MYO1E: variants seen among roughly 807,000 people sequenced by gnomAD.
MYO1E encodes the protein unconventional myosin-Ie.
In MYO1E, 68 loss-of-function variants were observed where a neutral mutation model predicts 151.1. The observed-to-expected ratio is 0.45, with a 90% CI of 0.37 to 0.55. The LOEUF is 0.55. MYO1E is among the 20% of genes least tolerant of loss of function. MYO1E has a pLI of 0.00. For missense variants in MYO1E, 1,363 were observed against 1,389.3 expected, an observed-to-expected ratio of 0.98 and a Z score of 0.30; for synonymous variants, 601 against 501.7, an observed-to-expected ratio of 1.20 and a Z score of -2.64.
chr15:59,353,374 G>GAAAAGAAAAGAAAAGAAAAGAAAAA (rs1567022796), intron 1 of MYO1E, among the ~76,000 whole-genome samples: 32 of 26,656 alleles, frequency 1.2e-3, no homozygotes, highest in African/African-American at 2.0e-3. Flanking sequence ...AAAAAAAAAA[G>GAAAAGAAAAGAAAAGAAAAGAAAAA]AAAAGAAAAG....
intron 24 of MYO1E, among the ~76,000 whole-genome samples, chr15:59,160,844 C>T (rs1860468389): frequency 6.6e-6 from 1 of 152,014 alleles, no homozygotes; most frequent in Admixed American, 6.6e-5. Context: ...ATTGTAATGC[C>T]AGGTGTACTG....
intron 14 of MYO1E, among the ~76,000 whole-genome samples, chr15:59,206,225 C>G (rs1453143785): frequency 6.6e-6 from 1 of 152,180 alleles, no homozygotes; most frequent in South Asian, 2.1e-4. Context: ...GAATGCCAGT[C>G]TGTGATTCCA....
intron 14 of MYO1E, chr15:59,206,996 C>T (rs756417010): frequency 4.3e-6 from 7 of 1,614,024 alleles, no homozygotes; most frequent in Non-Finnish European, 5.9e-6. Context: ...TCGGTGGGAG[C>T]GAATTTCCTA....
At chr15:59,229,272 C>G (rs369505482) in intron 6 of MYO1E, among the ~76,000 whole-genome samples, 2 of 152,304 alleles carry the variant, frequency 1.3e-5, no homozygotes, top group South Asian at 2.1e-4. Context: ...CCTGGGGAGC[C>G]TTTCCAACAT....
intron 1 of MYO1E, among the ~76,000 whole-genome samples, chr15:59,367,075 A>G (rs2080918854): frequency 6.6e-6 from 1 of 151,346 alleles, no homozygotes; most frequent in South Asian, 2.1e-4. Flanking sequence ...TATATATCCT[A>G]CCATGAAGCT....
At chr15:59,273,129 G>A (rs977461021) in intron 1 of MYO1E, among the ~76,000 whole-genome samples, 4 of 152,162 alleles carry the variant, frequency 2.6e-5, no homozygotes, top group African/African-American at 9.7e-5. Context: ...ACGAGATCAC[G>A]GAACATGCCC....
chr15:59,296,370 G>A (rs745331797), intron 1 of MYO1E, among the ~76,000 whole-genome samples: 1 of 152,196 alleles, frequency 6.6e-6, no homozygotes, highest in African/African-American at 2.4e-5. Context: ...TCACCAAATT[G>A]TGTGCAACAT....
At chr15:59,327,368 C>T (rs1289443210) in intron 1 of MYO1E, among the ~76,000 whole-genome samples, 7 of 151,856 alleles carry the variant, frequency 4.6e-5, no homozygotes, top group Non-Finnish European at 8.8e-5. Context: ...ACTCTATCAC[C>T]CAGGCTGGAG....
intron 5 of MYO1E, among the ~76,000 whole-genome samples, chr15:59,234,651 C>T (rs1215882339): frequency 6.6e-6 from 1 of 151,878 alleles, no homozygotes; most frequent in Non-Finnish European, 1.5e-5. Context: ...GAAACCCTGT[C>T]CCTACCAAAA....
intron 1 of MYO1E, among the ~76,000 whole-genome samples, chr15:59,322,110 G>C (rs2080629993): frequency 6.6e-6 from 1 of 150,678 alleles, no homozygotes. Flanking sequence ...GGGAGGTGGA[G>C]GTTGCAGTGA....
At chr15:59,343,989 G>C (rs147652650) in intron 1 of MYO1E, among the ~76,000 whole-genome samples, 141 of 152,230 alleles carry the variant, frequency 9.3e-4, no homozygotes, top group Non-Finnish European at 1.9e-3. Context: ...CCATATCTCT[G>C]TCTCTCTGGG....
intron 1 of MYO1E, among the ~76,000 whole-genome samples, chr15:59,346,103 A>C (rs1268201204): frequency 6.6e-6 from 1 of 152,166 alleles, no homozygotes; most frequent in Admixed American, 6.6e-5. Context: ...TTGTAAGCAA[A>C]GGTCTGGCTC....
chr15:59,199,877 G>GT (rs1217615565), intron 16 of MYO1E, among the ~76,000 whole-genome samples: 1 of 152,164 alleles, frequency 6.6e-6, no homozygotes, highest in Non-Finnish European at 1.5e-5. Context: ...CTATGTATCT[G>GT]TAAGAGGTAC....
At chr15:59,271,718 G>A (rs573092064) in intron 2 of MYO1E, among the ~76,000 whole-genome samples, 22 of 152,302 alleles carry the variant, frequency 1.4e-4, no homozygotes, top group Non-Finnish European at 2.5e-4. Flanking sequence ...ATTTCCTTTA[G>A]TAAACATTAA....
chr15:59,317,960 G>A (rs770443435), intron 1 of MYO1E, among the ~76,000 whole-genome samples: 6 of 152,180 alleles, frequency 3.9e-5, no homozygotes, highest in Admixed American at 6.5e-5. Flanking sequence ...TTTGTTTCAA[G>A]GTAGCTAGTA....
At chr15:59,168,126 A>T (rs1371617508) in intron 22 of MYO1E, among the ~76,000 whole-genome samples, 13 of 152,324 alleles carry the variant, frequency 8.5e-5, no homozygotes, top group African/African-American at 2.4e-4. Flanking sequence ...CTTCAAAAAA[A>T]TTTTTAACCG....
At chr15:59,371,042 C>T (rs1023845831) in intron 1 of MYO1E, among the ~76,000 whole-genome samples, 1 of 152,106 alleles carries the variant, frequency 6.6e-6, no homozygotes, top group South Asian at 2.1e-4. Flanking sequence ...AACCTTAAAA[C>T]TAGAAGAGGA....
At chr15:59,269,810 G>A (rs1299520812) in intron 2 of MYO1E, among the ~76,000 whole-genome samples, 5 of 151,726 alleles carry the variant, frequency 3.3e-5, no homozygotes, top group African/African-American at 9.7e-5. Flanking sequence ...CCAAGATTTC[G>A]CCAACTGCAC....
At chr15:59,332,394 C>T (rs757048673) in intron 1 of MYO1E, among the ~76,000 whole-genome samples, 1 of 152,188 alleles carries the variant, frequency 6.6e-6, no homozygotes, top group Non-Finnish European at 1.5e-5. Flanking sequence ...AAAAAGTAAA[C>T]CCATTATTTA....
Sources: allele counts gnomAD v4.1 joint callset (sites outside exome capture counted in the v4.1 genomes callset), GRCh38; gene constraint gnomAD v4.1.1; transcripts MANE v1.5; gene names NCBI Gene and HGNC (gene_info 2026-07-23, HGNC 2026-07-21).